SHISA9: variants seen among roughly 807,000 people sequenced by gnomAD.
The protein encoded by SHISA9 is protein shisa-9.
In SHISA9, 13 loss-of-function variants were observed where a neutral mutation model predicts 38.0. The observed-to-expected ratio is 0.34, with a 90% CI of 0.22 to 0.54. The LOEUF (loss-of-function observed/expected upper bound fraction) is 0.54. Among genes scored for constraint, SHISA9 ranks in the 20% least tolerant of loss-of-function variants. The pLI, the probability that SHISA9 is intolerant of heterozygous loss-of-function variation, is 0.91. For missense variants in SHISA9, 538 were observed against 575.8 expected (o/e 0.93, Z 0.67); for synonymous variants, 275 against 242.0 (o/e 1.14, Z -1.27).
intron 2 of SHISA9, among the ~76,000 whole-genome samples, chr16:13,047,052 C>G (rs1313529136): frequency 6.6e-6 from 1 of 152,132 alleles, no homozygotes; most frequent in African/African-American, 2.4e-5. Context: ...GTATGTGGTT[C>G]TCTCTCCAGT....
chr16:13,243,433 C>G (rs1031818851), downstream of SHISA9, among the ~76,000 whole-genome samples: 2 of 151,972 alleles, frequency 1.3e-5, no homozygotes, highest in Non-Finnish European at 2.9e-5. Flanking sequence ...AAAGGCAGGA[C>G]AACTCAAAGT....
At chr16:13,140,482 T>A (rs768664282) in intron 2 of SHISA9, among the ~76,000 whole-genome samples, 1 of 152,072 alleles carries the variant, frequency 6.6e-6, no homozygotes. Flanking sequence ...TGGCCAATGG[T>A]ACTCCTTTCT....
the SHISA9 span, among the ~76,000 whole-genome samples, chr16:13,342,128 A>G: frequency 6.6e-5 from 10 of 152,026 alleles, no homozygotes; most frequent in Non-Finnish European, 1.3e-4. Flanking sequence ...CTCTTTTCCA[A>G]TTCTCTCCCT....
At chr16:12,996,313 T>A (rs2141837060) in intron 2 of SHISA9, among the ~76,000 whole-genome samples, 1 of 152,334 alleles carries the variant, frequency 6.6e-6, no homozygotes, top group Middle Eastern at 3.4e-3. Flanking sequence ...AATGTGAAGA[T>A]CTGGCAGTGC....
chr16:12,951,631 G>A (rs1369365083), intron 2 of SHISA9, among the ~76,000 whole-genome samples: 4 of 152,180 alleles, frequency 2.6e-5, no homozygotes, highest in South Asian at 2.1e-4. Flanking sequence ...TGGGGATGGC[G>A]GTGGGGGAGG....
At chr16:13,059,127 T>A (rs2073344727) in intron 2 of SHISA9, among the ~76,000 whole-genome samples, 1 of 136,910 alleles carries the variant, frequency 7.3e-6, no homozygotes, top group East Asian at 2.1e-4. Flanking sequence ...CTATCTTTTT[T>A]TTTTTTTTTT....
At chr16:13,476,528 T>C in the SHISA9 span, among the ~76,000 whole-genome samples, 1 of 152,130 alleles carries the variant, frequency 6.6e-6, no homozygotes, top group African/African-American at 2.4e-5. Context: ...TACTGCATTA[T>C]TAAAGTGCTT....
chr16:12,902,276 C>G lies in SHISA9; in HGVS notation c.212C>G (p.Pro71Arg), dbSNP rs1210711863. 1 of 1,549,156 alleles carries G rather than the reference C, an allele frequency of 6.5e-7. No individual in the cohort carries two copies. Among genetic ancestry groups the G allele is most frequent in the Non-Finnish European group, 8.7e-7 (1 of 1,146,874 alleles). ...SDAPPTRAPT[P>R]DFCRGYFDVM... ...GCGCCCCCGACCCGGGCGCCCACGC[C>G]GGACTTCTGCCGGGGCTACTTCGAT... The change falls in exon 1 of 5, where the codon CCG becomes CGG. Residue 71 changes from proline to arginine, a missense_variant. Physicochemically the swap from Pro to Arg is moderately radical, Grantham distance 103. Transcript: ENST00000558583.
chr16:13,222,887 T>C (rs2051242522), intron 4 of SHISA9, among the ~76,000 whole-genome samples: 1 of 152,180 alleles, frequency 6.6e-6, no homozygotes, highest in Admixed American at 6.5e-5. Flanking sequence ...TTATATTTTC[T>C]GATGACGACA....
chr16:13,213,853 T>A (rs2051143192), intron 4 of SHISA9, among the ~76,000 whole-genome samples: 1 of 152,340 alleles, frequency 6.6e-6, no homozygotes, highest in African/African-American at 2.4e-5. Flanking sequence ...AGGTGGCAGC[T>A]ATCATTAATT....
intron 2 of SHISA9, among the ~76,000 whole-genome samples, chr16:13,019,812 C>CTTTCTTTCTT: frequency 7.1e-6 from 1 of 140,280 alleles, no homozygotes; most frequent in South Asian, 2.4e-4. Flanking sequence ...TTCTTTCTTT[C>CTTTCTTTCTT]TTTCTTTCTT....
the SHISA9 span, among the ~76,000 whole-genome samples, chr16:13,501,042 A>C: frequency 2.0e-5 from 3 of 152,298 alleles, no homozygotes; most frequent in South Asian, 6.2e-4. Flanking sequence ...ACTTTCATTG[A>C]CAGTAGAGAG....
At chr16:13,317,451 T>A in the SHISA9 span, among the ~76,000 whole-genome samples, 1 of 152,176 alleles carries the variant, frequency 6.6e-6, no homozygotes, top group South Asian at 2.1e-4. Flanking sequence ...CTTCTTTTTT[T>A]AAATTTTATT....
Position 13,239,703 on chromosome 16 carries a change from T to C in SHISA9, c.*4294T>C, listed in dbSNP as rs542488411. On this transcript the variant is annotated 3_prime_UTR_variant, in exon 5 of 5. Coordinates refer to ENST00000558583, the MANE Select transcript of SHISA9 (RefSeq NM_001145204.3). ...GTTGTTTGTTTTTTTCTTGTAAATTTGTTTGAGTTCATTGTAGATTCTGGA... is the reference window on the plus strand; with the variant it reads ...GTTGTTTGTTTTTTTCTTGTAAATTCGTTTGAGTTCATTGTAGATTCTGGA... The C allele has an allele frequency of 1.6e-4, 25 of 152,302 alleles. 1 individual carries two copies. The South Asian group carries it at 2.1e-3, about 13-fold the overall frequency. The allele number at this position is 152,302 out of a possible 1,614,324, so 9.4% of individuals were successfully genotyped here.
At chr16:12,969,492 C>A (rs1482266360) in intron 2 of SHISA9, among the ~76,000 whole-genome samples, 2 of 151,924 alleles carry the variant, frequency 1.3e-5, no homozygotes, top group African/African-American at 4.8e-5. Context: ...ACCTGTAATC[C>A]CAGGACTTTG....
intron 2 of SHISA9, among the ~76,000 whole-genome samples, chr16:13,000,378 G>A (rs577452900): frequency 1.3e-5 from 2 of 152,278 alleles, no homozygotes; most frequent in South Asian, 2.1e-4. Context: ...AAACAACGAC[G>A]TGGTTTTAGG....
At chr16:12,960,676 G>A (rs4781362) in intron 2 of SHISA9, among the ~76,000 whole-genome samples, 78,953 of 152,010 alleles carry the variant, frequency 0.52, 20,766 homozygotes, top group Middle Eastern at 0.59. Context: ...ACAGAAAACC[G>A]CACATCATGT....
the SHISA9 span, among the ~76,000 whole-genome samples, chr16:13,547,410 G>T: frequency 1.3e-5 from 2 of 152,124 alleles, no homozygotes; most frequent in African/African-American, 4.8e-5. Flanking sequence ...GATTATGGAG[G>T]AAGGAAAAGA....
At chr16:13,247,524 C>T in the SHISA9 span, among the ~76,000 whole-genome samples, 1 of 152,146 alleles carries the variant, frequency 6.6e-6, no homozygotes, top group Non-Finnish European at 1.5e-5. Context: ...TTCTAGCACC[C>T]CACTTAACCC....
Sources: allele counts gnomAD v4.1 joint callset (sites outside exome capture counted in the v4.1 genomes callset), GRCh38; gene constraint gnomAD v4.1.1; transcripts MANE v1.5; gene names NCBI Gene and HGNC (gene_info 2026-07-23, HGNC 2026-07-21).